The following NPAT variants were observed in gnomAD, a reference collection of about 807,000 sequenced individuals.
The protein encoded by NPAT is protein NPAT.
A neutral mutation model predicts 130.7 loss-of-function variants in NPAT; 52 were observed. The observed-to-expected ratio is 0.40, with a 90% confidence interval of 0.32 to 0.50. The LOEUF is 0.50. NPAT is among the 20% of genes least tolerant of loss of function. The pLI is 0.68. For missense variants in NPAT, 1,687 were observed against 1,662.6 expected (o/e 1.01, Z -0.26); for synonymous variants, 580 against 584.8 (o/e 0.99, Z 0.12).
In NPAT at chr11:108,173,839, C is replaced by A. The variant is rs1314567539; in HGVS notation, c.1145G>T (p.Gly382Val). Residue 382 changes from glycine (G) to valine (V), a missense_variant, in exon 13 of 18, where the codon GGT becomes GTT. By Grantham distance (109) the Gly-to-Val change is moderately radical. Coordinates refer to ENST00000278612, the MANE Select transcript of NPAT (RefSeq NM_002519.3). ...ATAGGATGTACAAAAAGCGGGCTGA[C>A]CAGACTGACCATCTGCAAAGTATCA... ...FETEESDGQS[G>V]QPAFCTSYQN... is the part of the protein sequence containing the mutation. 1.2e-6 allele frequency: 2 copies of A among 1,613,928 alleles called. No homozygotes were observed. The highest frequency in any genetic ancestry group is 2.7e-5 in the African/African-American group (2 of 74,914).
At position 108,173,303 on chromosome 11, in the gene NPAT, T is replaced by G. The variant is rs1200706004; in HGVS notation, c.1681A>C (p.Lys561Gln). Residue 561 changes from lysine to glutamine, a missense_variant, in exon 13 of 18, where the codon AAA (lysine) becomes CAA (glutamine). By Grantham distance (53) the Lys-to-Gln change is moderately conservative (BLOSUM62 1). Around this residue, in one of 3 missense-constraint regions of NPAT, gnomAD observed 1,379 missense variants for 1,346.6 expected, o/e 1.02. Coordinates refer to ENST00000278612, the MANE Select transcript of NPAT (RefSeq NM_002519.3). Reference sequence around the variant, plus strand: ...GACTTGGAACCATGAAAATTAATTTTAAGTTTTACTGTATCATTAGAATTT... The same window carrying G: ...GACTTGGAACCATGAAAATTAATTTGAAGTTTTACTGTATCATTAGAATTT... ...CENSNDTVKL[K>Q]INFHGSKSSD... 1 of 1,611,780 alleles carries G rather than the reference T, an allele frequency of 6.2e-7. No individual in the cohort carries two copies. The highest frequency in any genetic ancestry group is 8.5e-7 in the Non-Finnish European group (1 of 1,178,462).
Position 108,157,582 on chromosome 11 carries a change from G to A in NPAT, c.*1360C>T, listed in dbSNP as rs952776355. ...AGACATGATTTCTACACTGAGAAAT[G>A]TTGTGTTAAAGTTGGATGGATTTAT... On this transcript the variant is annotated 3_prime_UTR_variant, in exon 18 of 18. Coordinates refer to ENST00000278612, the MANE Select transcript of NPAT (RefSeq NM_002519.3). 1.3e-5 allele frequency: 2 copies of A among 152,056 alleles called. No homozygotes were observed. The highest frequency in any genetic ancestry group is 3.8e-4 in the East Asian group (2 of 5,200). The allele number at this position is 152,056 out of a possible 1,614,324, so 9.4% of individuals were successfully genotyped here.
intron 1 of NPAT, among the ~76,000 whole-genome samples, chr11:108,220,694 C>T (rs1187717813): frequency 1.3e-5 from 2 of 152,078 alleles, no homozygotes; most frequent in African/African-American, 4.8e-5. Context: ...AAATGATAAA[C>T]GACAAAAGTA....
rs1217851745 is a variant in NPAT at position 108,172,284 on chromosome 11, T to C, written c.2700A>G (p.Gln900=). 12 of 1,613,934 alleles carry C rather than the reference T, an allele frequency of 7.4e-6. No homozygotes were observed. Among genetic ancestry groups the C allele is most frequent in the African/African-American group, 1.3e-5 (1 of 74,924 alleles). The change falls in exon 13 of 18, where the codon CAA becomes CAG. Residue 900 remains glutamine (Q), a synonymous_variant. Coordinates refer to ENST00000278612, the MANE Select transcript of NPAT (RefSeq NM_002519.3). ...LPGNSAPMTA[Q]PLPPQLQTPP... is the part of the protein sequence containing the mutation. ...GTGTCTGTAACTGAGGTGGTAGAGG[T>C]TGAGCAGTCATAGGTGCAGAATTTC...
At chr11:108,211,894 G>A (rs922192754) in intron 1 of NPAT, among the ~76,000 whole-genome samples, 1 of 152,036 alleles carries the variant, frequency 6.6e-6, no homozygotes, top group African/African-American at 2.4e-5. Flanking sequence ...AGGCTGCAGT[G>A]GGCCATAATC....
intron 1 of NPAT, among the ~76,000 whole-genome samples, chr11:108,209,343 T>C (rs1027018326): frequency 8.6e-5 from 13 of 152,030 alleles, no homozygotes; most frequent in South Asian, 4.2e-4. Context: ...TGGTGGCATA[T>C]GCCTATAATC....
chr11:108,202,664 G>A (rs958514066), intron 1 of NPAT, among the ~76,000 whole-genome samples: 1 of 152,130 alleles, frequency 6.6e-6, no homozygotes, highest in East Asian at 1.9e-4. Context: ...ACTAATGCTT[G>A]TGAGACTTGC....
At chr11:108,217,495 T>C (rs1197844541) in intron 1 of NPAT, among the ~76,000 whole-genome samples, 1 of 152,208 alleles carries the variant, frequency 6.6e-6, no homozygotes, top group Non-Finnish European at 1.5e-5. Flanking sequence ...ATATATCATT[T>C]TGCTTAAAGT....
At chr11:108,192,703 C>T (rs1452346342) in intron 3 of NPAT, among the ~76,000 whole-genome samples, 10 of 152,162 alleles carry the variant, frequency 6.6e-5, no homozygotes, top group Non-Finnish European at 1.5e-5. Context: ...CGCCTGTAAT[C>T]CCAGCACTTT....
At chr11:108,212,529 G>GAAAAAAAAAAAAAAAAAAA (rs1185105979) in intron 1 of NPAT, among the ~76,000 whole-genome samples, 1 of 68,550 alleles carries the variant, frequency 1.5e-5, no homozygotes, top group Non-Finnish European at 3.2e-5. Context: ...CGTCTCAAAA[G>GAAAAAAAAAAAAAAAAAAA]AAAAAAAAAA....
Position 108,158,783 on chromosome 11 carries a change from G to A in NPAT, c.*159C>T. 1 of 582,510 alleles carries A rather than the reference G, an allele frequency of 1.7e-6. No individual in the cohort carries two copies. Among genetic ancestry groups the A allele is most frequent in the Non-Finnish European group, 3.1e-6 (1 of 325,880 alleles). 36.1% of individuals were successfully genotyped at this position (582,510 alleles called of 1,614,324 possible). On this transcript the variant is annotated 3_prime_UTR_variant, in exon 18 of 18. Transcript: ENST00000278612. ...CCAAGTAAGTCTATTTACAAACTAG[G>A]AAGCTGTTTCAGAAACAGCATGATT...
Position 108,172,746 on chromosome 11 carries a change from A to G in NPAT, c.2238T>C (p.Asp746=), listed in dbSNP as rs201541696. ...NIVSLKVIIS[D]DPFVSSDTEL... ...CAGTATCTGAGGAAACAAATGGATC[A>G]TCACTAATGATAACTTTGAGAGAGA... Residue 746 remains aspartate (D), a synonymous_variant, in exon 13 of 18, where the codon GAT becomes GAC. Transcript: ENST00000278612. The G allele has an allele frequency of 1.7e-5, 27 of 1,613,482 alleles. No homozygotes were observed. In the East Asian group the frequency reaches 4.7e-4, roughly 28 times the overall value.
chr11:108,200,340 C>T (rs995908743), intron 1 of NPAT, among the ~76,000 whole-genome samples: 23 of 152,116 alleles, frequency 1.5e-4, no homozygotes, highest in African/African-American at 5.3e-4. Flanking sequence ...TTTCCCAACC[C>T]CTTAGTTATA....
rs1250669275 is a variant in NPAT at position 108,197,286 on chromosome 11, G to C, written c.156+16C>G. ...TGTGTTGATGAAATATTTCCCTTAA[G>C]GAACAAATAACTCACCAGTAAGCAG... On this transcript the variant is annotated intron_variant, in intron 2 of 17. Coordinates refer to ENST00000278612, the MANE Select transcript of NPAT (RefSeq NM_002519.3). 7.0e-7 allele frequency: 1 copy of C among 1,434,668 alleles called. No individual in the cohort carries two copies. Among genetic ancestry groups the C allele is most frequent in the Non-Finnish European group, 9.8e-7 (1 of 1,016,880 alleles). The allele number at this position is 1,434,668 out of a possible 1,614,324, so 88.9% of individuals were successfully genotyped here.
chr11:108,221,088 G>T (rs1179136158), intron 1 of NPAT, among the ~76,000 whole-genome samples: 2 of 152,124 alleles, frequency 1.3e-5, no homozygotes, highest in Non-Finnish European at 2.9e-5. Flanking sequence ...ATTAGAAAAT[G>T]ATACTGCTTT....
chr11:108,179,827 A>G (rs1217976618), intron 10 of NPAT, among the ~76,000 whole-genome samples: 1 of 152,102 alleles, frequency 6.6e-6, no homozygotes, highest in Non-Finnish European at 1.5e-5. Context: ...AAGAAATCAT[A>G]AGGGAAAAGC....
intron 1 of NPAT, among the ~76,000 whole-genome samples, chr11:108,202,429 C>A (rs2078283287): frequency 6.6e-6 from 1 of 152,126 alleles, no homozygotes; most frequent in Non-Finnish European, 1.5e-5. Context: ...CCTCAATATT[C>A]TCCTGTGGAA....
At chr11:108,193,790 C>A (rs2078193941) in intron 3 of NPAT, among the ~76,000 whole-genome samples, 167 bp downstream of exon 3, 1 of 151,932 alleles carries the variant, frequency 6.6e-6, no homozygotes, top group African/African-American at 2.4e-5. Context: ...AACCAAAACC[C>A]ACAAACAAAT....
intron 8 of NPAT, among the ~76,000 whole-genome samples, chr11:108,186,088 C>T (rs2078105789): frequency 6.6e-6 from 1 of 151,862 alleles, no homozygotes; most frequent in Non-Finnish European, 1.5e-5. Flanking sequence ...ATGATCATGG[C>T]TCACTGCAGC....
Sources: gnomAD v4.1 joint callset for allele counts (sites outside exome capture counted in the v4.1 genomes callset) on GRCh38, gnomAD v4.1.1 for gene constraint, gnomAD v4.1.1 regional missense constraint, MANE v1.5 for transcripts, NCBI Gene and HGNC (gene_info 2026-07-23, HGNC 2026-07-21) for gene names.